ARID1B: variants seen among roughly 807,000 people sequenced by gnomAD.
ARID1B encodes the protein AT-rich interaction domain 1B.
Under a neutral mutation model 212.3 loss-of-function variants are expected in ARID1B, and 30 were observed. The observed-to-expected ratio is 0.14, with a 90% CI of 0.11 to 0.19. The LOEUF (loss-of-function observed/expected upper bound fraction) is 0.19. ARID1B is among the 10% of genes least tolerant of loss of function. The probability of loss-of-function intolerance (pLI) is 1.00; values close to 1 mark genes in which losing one functional copy is unlikely to be tolerated. For missense variants in ARID1B, 2,891 were observed against 3,204.0 expected (o/e 0.90, Z 2.36); for synonymous variants, 1,402 against 1,301.7 (o/e 1.08, Z -1.66).
intron 9 of ARID1B, among the ~76,000 whole-genome samples, chr6:157,170,862 A>G (rs1485333353): frequency 6.6e-6 from 1 of 152,232 alleles, no homozygotes; most frequent in Admixed American, 6.5e-5. Context: ...TGTTACCTTC[A>G]CAGTGGACTT....
At chr6:156,866,982 T>A (rs1785743790) in intron 2 of ARID1B, among the ~76,000 whole-genome samples, 1 of 152,250 alleles carries the variant, frequency 6.6e-6, no homozygotes. Flanking sequence ...GACCACAGTT[T>A]TTCCCTGTAC....
intron 5 of ARID1B, among the ~76,000 whole-genome samples, chr6:157,100,402 G>C (rs1454611298): frequency 6.6e-6 from 1 of 152,218 alleles, no homozygotes; most frequent in Non-Finnish European, 1.5e-5. Flanking sequence ...GCGGAAGCCT[G>C]AGCAGATTCT....
At chr6:156,885,527 A>G (rs1247429903) in intron 2 of ARID1B, among the ~76,000 whole-genome samples, 1 of 152,120 alleles carries the variant, frequency 6.6e-6, no homozygotes, top group Admixed American at 6.5e-5. Context: ...TCTTTCTGTT[A>G]CTGATTTTAA....
At chr6:157,181,501 A>G (rs1273862473) in intron 12 of ARID1B, among the ~76,000 whole-genome samples, 1 of 152,192 alleles carries the variant, frequency 6.6e-6, no homozygotes, top group Non-Finnish European at 1.5e-5. Context: ...AGTTCATAGT[A>G]AATACTCAGA....
chr6:156,969,994 G>T (rs1312315056), intron 4 of ARID1B, among the ~76,000 whole-genome samples: 5 of 150,056 alleles, frequency 3.3e-5, no homozygotes, highest in Non-Finnish European at 7.4e-5. Context: ...GTGTCAATTA[G>T]TGAACTGTAG....
chr6:156,796,579 A>G (rs1397878861), intron 1 of ARID1B, among the ~76,000 whole-genome samples: 1 of 152,192 alleles, frequency 6.6e-6, no homozygotes, highest in Non-Finnish European at 1.5e-5. Context: ...TCTAGTGGTA[A>G]GATTTTCAGC....
At chr6:156,978,590 C>T (rs140198182) in intron 4 of ARID1B, among the ~76,000 whole-genome samples, 1 of 152,214 alleles carries the variant, frequency 6.6e-6, no homozygotes, top group African/African-American at 2.4e-5. Context: ...ACCATGAAAA[C>T]CTTTGTTCTT....
chr6:157,201,444 A>G lies in ARID1B; in HGVS notation c.5219A>G (p.Gln1740Arg), dbSNP rs1476952813. The change falls in exon 18 of 20, where the codon CAA becomes CGA. Residue 1740 changes from glutamine (Q) to arginine (R), a missense_variant. Coordinates refer to ENST00000636930, the MANE Select transcript of ARID1B (RefSeq NM_001374828.1). This position sits in a 1 kb window ranked among gnomAD's most constrained non-coding sequence, Gnocchi z 5.2. Reference sequence around the variant, plus strand: ...CCTCCTGGCTCAGTAGAAGCATCACAACCAGTCTTGAAACAAAGGCGAAAG... The same window carrying G: ...CCTCCTGGCTCAGTAGAAGCATCACGACCAGTCTTGAAACAAAGGCGAAAG... ...TFPPGSVEAS[Q>R]PVLKQRRKIT... The G allele has an allele frequency of 6.5e-7, 1 of 1,528,890 alleles. No homozygotes were observed. The highest frequency in any genetic ancestry group is 2.3e-5 in the East Asian group (1 of 43,928). The allele number at this position is 1,528,890 out of a possible 1,614,324, so 94.7% of individuals were successfully genotyped here.
chr6:156,914,015 C>T (rs567622348), intron 3 of ARID1B, among the ~76,000 whole-genome samples: 4 of 148,266 alleles, frequency 2.7e-5, no homozygotes, highest in African/African-American at 7.6e-5. Context: ...CTTCCCAGCC[C>T]GTGGTGCCCC....
chr6:156,838,281 A>G (rs1478152895), intron 2 of ARID1B, among the ~76,000 whole-genome samples: 1 of 152,234 alleles, frequency 6.6e-6, no homozygotes, highest in African/African-American at 2.4e-5. Context: ...AAAAATACGC[A>G]GGTATTAGAA....
chr6:157,126,786 A>G (rs1481431825), intron 6 of ARID1B, among the ~76,000 whole-genome samples: 1 of 152,178 alleles, frequency 6.6e-6, no homozygotes, highest in African/African-American at 2.4e-5. Context: ...ATATATAGGA[A>G]ATTCATTTTA....
At chr6:156,793,410 G>C (rs1282363043) in intron 1 of ARID1B, among the ~76,000 whole-genome samples, 1 of 152,098 alleles carries the variant, frequency 6.6e-6, no homozygotes, top group Admixed American at 6.5e-5. Flanking sequence ...GCAGCGGTGA[G>C]GTCATGGCTC....
intron 6 of ARID1B, among the ~76,000 whole-genome samples, chr6:157,114,692 T>C (rs796878819): frequency 4.6e-5 from 7 of 152,260 alleles, no homozygotes; most frequent in African/African-American, 1.7e-4. Context: ...AATATAGTAA[T>C]AGTCCACCAT....
intron 4 of ARID1B, among the ~76,000 whole-genome samples, chr6:156,975,616 T>TC (rs1297258254): frequency 5.4e-5 from 8 of 149,530 alleles, no homozygotes; most frequent in African/African-American, 1.5e-4. Context: ...TTTTTTTCTT[T>TC]TTTTTTTTTT....
intron 6 of ARID1B, among the ~76,000 whole-genome samples, chr6:157,118,261 G>A (rs907029884): frequency 2.0e-5 from 3 of 152,254 alleles, no homozygotes; most frequent in Admixed American, 6.5e-5. Context: ...TGCAACCTAC[G>A]GAAACCGTGT....
chr6:157,144,687 G>C (rs1441661277), intron 7 of ARID1B, among the ~76,000 whole-genome samples: 1 of 152,150 alleles, frequency 6.6e-6, no homozygotes, highest in Non-Finnish European at 1.5e-5. Context: ...GGAAGAGGAA[G>C]GGCCCAGCAG....
chr6:156,812,968 G>GTA (rs1781664933), intron 1 of ARID1B, among the ~76,000 whole-genome samples: 2 of 136,142 alleles, frequency 1.5e-5, no homozygotes, highest in Admixed American at 7.3e-5. Flanking sequence ...GTGTGTGTGT[G>GTA]TGTGTGTGTA....
intron 2 of ARID1B, among the ~76,000 whole-genome samples, chr6:156,868,653 C>T (rs549547059): frequency 6.6e-6 from 1 of 152,270 alleles, no homozygotes; most frequent in South Asian, 2.1e-4. Flanking sequence ...GCCCTCATGA[C>T]CTAGTCACCT....
At position 156,890,813 on chromosome 6, in the gene ARID1B, C is replaced by CA. The variant is rs1582884420; in HGVS notation, c.1987-10561dup. On this transcript the variant is annotated intron_variant, in intron 2 of 19. Transcript: ENST00000636930. Reference sequence around the variant, plus strand: ...GTATACAGTGCATACAGTAAGTGCTCAATATACATTTGTTGACTATTTCTC... The same window carrying CA: ...GTATACAGTGCATACAGTAAGTGCTCAAATATACATTTGTTGACTATTTCTC... 2.0e-5 allele frequency among the ~76,000 whole-genome samples: 3 copies of CA among 152,134 alleles called. No homozygotes were observed. In the East Asian group the frequency reaches 5.8e-4, roughly 29 times the overall value.
Sources: gnomAD v4.1 joint callset for allele counts (sites outside exome capture counted in the v4.1 genomes callset) on GRCh38, gnomAD v4.1.1 for gene constraint, Gnocchi (gnomAD v3.1) non-coding constraint, MANE v1.5 for transcripts, NCBI Gene and HGNC (gene_info 2026-07-23, HGNC 2026-07-21) for gene names.